Variants in CTPS1 observed in about 807,000 individuals in gnomAD.
CTPS1 encodes CTP synthase 1, also known as CTP synthetase 1.
CTPS1 carries 25 observed loss-of-function variants against 80.5 expected under a neutral mutation model. The observed-to-expected ratio is 0.31, with a 90% CI of 0.23 to 0.43. The LOEUF is 0.43. Ranked by LOEUF, CTPS1 falls within the 20% of genes least tolerant of loss-of-function variation. The pLI is 1.00. For synonymous variants in CTPS1, 267 were observed against 252.5 expected, an observed-to-expected ratio of 1.06 and a Z score of -0.54; for missense variants, 442 against 725.7, an observed-to-expected ratio of 0.61 and a Z score of 4.49.
At chr1:40,989,445 C>G (rs1016172548) in intron 5 of CTPS1, among the ~76,000 whole-genome samples, 1 of 152,164 alleles carries the variant, frequency 6.6e-6, no homozygotes, top group African/African-American at 2.4e-5. Context: ...GGCCATTCCA[C>G]GTAGGAGGTT....
At position 41,009,609 on chromosome 1, in the gene CTPS1, CAGT is replaced by C. The variant is rs774536316; in HGVS notation, c.1691+22_1691+24del. On this transcript the variant is annotated intron_variant, in intron 17 of 18. Transcript: ENST00000650070. The stretch of plus-strand genomic sequence containing the variant: ...ACCCAGGTAGGCGCACTCTTTGCTT[CAGT>C]AATCCATTAGTCTTCTCTAGTCCTT... 1.4e-4 allele frequency: 220 copies of C among 1,613,652 alleles called. No homozygotes were observed. Among genetic ancestry groups the C allele is most frequent in the Non-Finnish European group, 1.8e-4 (217 of 1,179,972 alleles).
chr1:40,984,353 G>C (rs914584362), intron 2 of CTPS1, among the ~76,000 whole-genome samples: 4 of 152,206 alleles, frequency 2.6e-5, no homozygotes, highest in African/African-American at 9.6e-5. Flanking sequence ...TCACAAAGTT[G>C]TTTAGAACAA....
At position 41,000,936 on chromosome 1, in the gene CTPS1, A is replaced by G. The variant is rs905670503; in HGVS notation, c.1006-93A>G. On this transcript the variant is annotated intron_variant, in intron 9 of 18. Coordinates refer to ENST00000650070, the MANE Select transcript of CTPS1 (RefSeq NM_001905.4). The stretch of plus-strand genomic sequence containing the variant: ...CTTTAAAGCCAGAATCAAGAAAGAC[A>G]ACTTTGATAAAATGATAATATTATT... The G allele has an allele frequency of 1.5e-5, 11 of 743,622 alleles. No individual in the cohort carries two copies. The African/African-American group carries it at 1.6e-4, about 11-fold the overall frequency. 46.1% of individuals were successfully genotyped at this position (743,622 alleles called of 1,614,324 possible). A position where few individuals can be genotyped will look rare whatever the true frequency, so the allele number is the denominator to read the frequency against.
At chr1:40,991,969 C>A in intron 7 of CTPS1, 124 bp downstream of exon 7, 1 of 738,892 alleles carries the variant, frequency 1.4e-6, no homozygotes, top group South Asian at 1.7e-5. Flanking sequence ...CAGAAGAACC[C>A]ATTGCCATCG....
At chr1:41,009,633 T>G in intron 17 of CTPS1, 44 bp downstream of exon 17, 1 of 1,607,244 alleles carries the variant, frequency 6.2e-7, no homozygotes. Flanking sequence ...TCTTCTCTAG[T>G]CCTTTAGGTG....
intron 5 of CTPS1, among the ~76,000 whole-genome samples, chr1:40,989,674 C>T (rs896152530): frequency 4.6e-5 from 7 of 151,864 alleles, no homozygotes; most frequent in South Asian, 2.1e-4. Context: ...GGAACTGAGG[C>T]GCTACAAGCA....
chr1:40,989,963 A>C (rs1642558767), intron 5 of CTPS1, among the ~76,000 whole-genome samples: 2 of 152,252 alleles, frequency 1.3e-5, no homozygotes, highest in Non-Finnish European at 2.9e-5. Flanking sequence ...ACTGGCTCAG[A>C]AGTTCTAATG....
chr1:40,982,236 C>T (rs1415998252), intron 1 of CTPS1, among the ~76,000 whole-genome samples: 1 of 152,114 alleles, frequency 6.6e-6, no homozygotes, highest in Non-Finnish European at 1.5e-5. Context: ...GATTTAATCT[C>T]ATCTCCCCTC....
At position 40,991,776 on chromosome 1, in the gene CTPS1, G is replaced by A. The variant is rs748716482; in HGVS notation, c.651G>A (p.Arg217=). 1 of 1,613,558 alleles carries A rather than the reference G, an allele frequency of 6.2e-7. No individual in the cohort carries two copies. The highest frequency in any genetic ancestry group is 8.5e-7 in the Non-Finnish European group (1 of 1,179,562). The change falls in exon 7 of 19, where the codon AGG becomes AGA. Residue 217 remains arginine, a synonymous_variant. Transcript: ENST00000650070. The stretch of plus-strand genomic sequence containing the variant: ...TTCTCTACTGCTAGGTTGTATGCAG[G>A]TGCTCAAATCCACTTGACACATCAG... ...LGLSPDLVVC[R]CSNPLDTSVK...
At chr1:40,985,187 TAAAA>T (rs942204818) in intron 3 of CTPS1, among the ~76,000 whole-genome samples, 196 bp downstream of exon 3, 1 of 152,126 alleles carries the variant, frequency 6.6e-6, no homozygotes, top group Middle Eastern at 3.2e-3. Flanking sequence ...TGTTGTTTGC[TAAAA>T]AAAATAATTT....
chr1:40,987,269 C>A, intron 3 of CTPS1, 103 bp from the exon 4 acceptor site: 1 of 827,878 alleles, frequency 1.2e-6, no homozygotes. Context: ...TTGCTACTCT[C>A]TCCAGGCAAA....
At chr1:40,987,537 A>G in intron 4 of CTPS1, 65 bp downstream of exon 4, 1 of 1,180,636 alleles carries the variant, frequency 8.5e-7, no homozygotes, top group Non-Finnish European at 1.3e-6. Flanking sequence ...TCAATAACTG[A>G]TAAGACAGTT....
chr1:40,988,969 T>TA (rs1429620061), intron 5 of CTPS1, among the ~76,000 whole-genome samples: 1 of 152,214 alleles, frequency 6.6e-6, no homozygotes, highest in African/African-American at 2.4e-5. Flanking sequence ...ATGGTGGAAC[T>TA]AGAGTAAAGA....
chr1:40,998,171 G>C (rs1642804197), intron 9 of CTPS1, among the ~76,000 whole-genome samples: 1 of 152,076 alleles, frequency 6.6e-6, no homozygotes, highest in South Asian at 2.1e-4. Flanking sequence ...GGCCGAGGTG[G>C]GCAGATCACG....
At chr1:40,993,867 C>G (rs886515748) in intron 7 of CTPS1, among the ~76,000 whole-genome samples, 1 of 132,764 alleles carries the variant, frequency 7.5e-6, no homozygotes, top group African/African-American at 2.8e-5. Flanking sequence ...CCATCTCTGT[C>G]TCCCGTGTTC....
At position 41,008,642 on chromosome 1, in the gene CTPS1, C is replaced by T. The variant is rs757101117; in HGVS notation, c.1394-17C>T. 2 of 1,613,740 alleles carry T rather than the reference C, an allele frequency of 1.2e-6. No individual in the cohort carries two copies. Among genetic ancestry groups the T allele is most frequent in the South Asian group, 1.1e-5 (1 of 91,068 alleles). On this transcript the variant is annotated splice_polypyrimidine_tract_variant and intron_variant, in intron 14 of 18. Coordinates refer to ENST00000650070, the MANE Select transcript of CTPS1 (RefSeq NM_001905.4). ...GTGAGATAAAGTTCTTTACATACAG[C>T]CCGTTTGTTTTGCCAGGGAAACTCT...
intron 17 of CTPS1, 148 bp downstream of exon 17, chr1:41,009,737 C>A: frequency 7.4e-6 from 7 of 939,824 alleles, no homozygotes; most frequent in Middle Eastern, 2.8e-4. Flanking sequence ...TTTCCCGGAG[C>A]TTTCTCACGG....
In CTPS1 at chr1:41,007,325, T is replaced by C; in HGVS notation, c.1297-124T>C. The stretch of plus-strand genomic sequence containing the variant: ...GCATTTTCTTCTGTGACAAAATGTC[T>C]CATAAGGAAAGCCTGGAGAATTAGA... On this transcript the variant is annotated intron_variant, in intron 13 of 18. Coordinates refer to ENST00000650070, the MANE Select transcript of CTPS1 (RefSeq NM_001905.4). This position sits in a 1 kb window ranked among gnomAD's most constrained non-coding sequence, Gnocchi z 4.4. 1.3e-6 allele frequency: 1 copy of C among 782,570 alleles called. No individual in the cohort carries two copies. Among genetic ancestry groups the C allele is most frequent in the Non-Finnish European group, 2.1e-6 (1 of 482,954 alleles). The allele number at this position is 782,570 out of a possible 1,614,324, so 48.5% of individuals were successfully genotyped here. A position where few individuals can be genotyped will look rare whatever the true frequency, so the allele number is the denominator to read the frequency against.
chr1:40,996,174 A>G (rs1483708720), intron 8 of CTPS1, 106 bp downstream of exon 8: 4 of 1,231,276 alleles, frequency 3.2e-6, no homozygotes, highest in African/African-American at 3.0e-5. Context: ...CACTTCTGCC[A>G]TCCACTCATT....
Sources: allele counts gnomAD v4.1 joint callset (sites outside exome capture counted in the v4.1 genomes callset), GRCh38; gene constraint gnomAD v4.1.1; non-coding constraint Gnocchi (gnomAD v3.1); transcripts MANE v1.5; gene names NCBI Gene and HGNC (gene_info 2026-07-23, HGNC 2026-07-21).